AGMO: variants seen among roughly 807,000 people sequenced by gnomAD.
AGMO encodes alkylglycerol monooxygenase.
Under a neutral mutation model 60.2 loss-of-function variants are expected in AGMO, and 75 were observed. The ratio of observed to expected loss-of-function variants is 1.25; its 90% CI spans 1.03 to 1.51. AGMO has a LOEUF of 1.51. AGMO is among the 40% of genes most tolerant of loss of function. AGMO has a pLI of 0.00. For missense variants in AGMO, 763 were observed against 525.5 expected, an observed-to-expected ratio of 1.45 and a Z score of -4.42; for synonymous variants, 261 against 177.1, an observed-to-expected ratio of 1.47 and a Z score of -3.76.
At chr7:15,406,922 T>TACACACACACACAC (rs573526404) in intron 5 of AGMO, among the ~76,000 whole-genome samples, 10 of 109,946 alleles carry the variant, frequency 9.1e-5, no homozygotes, top group African/African-American at 3.2e-4. Context: ...TTGTTTGGAA[T>TACACACACACACAC]ACACACGCGC....
the AGMO span, among the ~76,000 whole-genome samples, chr7:15,176,710 A>G: frequency 6.6e-6 from 1 of 151,962 alleles, no homozygotes; most frequent in Admixed American, 6.6e-5. Flanking sequence ...TGTGTTAGCA[A>G]ATTTCAAGTA....
chr7:15,364,134 ATG>A, intron 12 of AGMO, among the ~76,000 whole-genome samples: 1 of 152,056 alleles, frequency 6.6e-6, no homozygotes, highest in Non-Finnish European at 1.5e-5. Context: ...TATATATATA[ATG>A]TGTATATATA....
intron 3 of AGMO, among the ~76,000 whole-genome samples, chr7:15,494,067 G>C (rs1237858189): frequency 6.6e-6 from 1 of 151,898 alleles, no homozygotes; most frequent in Admixed American, 6.6e-5. Flanking sequence ...CTTGACACTG[G>C]GTTAAGGAGT....
intron 12 of AGMO, among the ~76,000 whole-genome samples, chr7:15,333,040 G>A (rs1005463932): frequency 5.9e-5 from 9 of 152,114 alleles, no homozygotes; most frequent in African/African-American, 7.2e-5. Context: ...AAAGCATATA[G>A]TCCAAGCTTA....
chr7:15,191,971 TCTCACACA>T, the AGMO span, among the ~76,000 whole-genome samples: 61 of 77,142 alleles, frequency 7.9e-4, no homozygotes, highest in African/African-American at 2.8e-3. Flanking sequence ...TCTGTCTCTC[TCTCACACA>T]CACACACACA....
Position 15,253,886 on chromosome 7 carries a change from T to G in AGMO, c.1264-52527A>C, listed in dbSNP as rs112717024. On this transcript the variant is annotated intron_variant, in intron 12 of 12. Coordinates refer to ENST00000342526, the MANE Select transcript of AGMO (RefSeq NM_001004320.2). Reference sequence around the variant, plus strand: ...TCTCCCAATTCTCTGGTAACCATTATTCTGTTTTCAATTTTTATGAGATCA... The same window carrying G: ...TCTCCCAATTCTCTGGTAACCATTAGTCTGTTTTCAATTTTTATGAGATCA... 3.9e-3 allele frequency among the ~76,000 whole-genome samples: 595 copies of G among 152,248 alleles called. 2 individuals carry two copies. The highest frequency in any genetic ancestry group is 0.012 in the African/African-American group (499 of 41,548).
chr7:15,202,048 A>T (rs1306552893), intron 12 of AGMO, among the ~76,000 whole-genome samples: 1 of 152,072 alleles, frequency 6.6e-6, no homozygotes, highest in Non-Finnish European at 1.5e-5. Flanking sequence ...GACAATTAAA[A>T]CTATAGGATT....
rs374160601 is a variant in AGMO at position 15,390,759 on chromosome 7, T to C, written c.743-9A>G. ...TTCTGCTTCAAATGTCCCTGGAAGA[T>C]AAATATAAAGATATGAGATTTGGCT... On this transcript the variant is annotated splice_polypyrimidine_tract_variant and intron_variant, in intron 7 of 12. Transcript: ENST00000342526. The C allele has an allele frequency of 1.1e-5, 18 of 1,603,682 alleles. No individual in the cohort carries two copies. Among genetic ancestry groups the C allele is most frequent in the South Asian group, 4.4e-5 (4 of 90,200 alleles).
intron 5 of AGMO, among the ~76,000 whole-genome samples, chr7:15,395,819 T>G (rs1784352546): frequency 6.6e-6 from 1 of 152,154 alleles, no homozygotes; most frequent in Non-Finnish European, 1.5e-5. Flanking sequence ...TACAAAACTC[T>G]TTATCTAGGA....
chr7:15,475,061 T>G (rs1217495509), intron 3 of AGMO, among the ~76,000 whole-genome samples: 4 of 152,084 alleles, frequency 2.6e-5, no homozygotes, highest in Non-Finnish European at 5.9e-5. Context: ...GGAGAGGATG[T>G]AGAGAAATAG....
the AGMO span, among the ~76,000 whole-genome samples, chr7:15,168,535 C>A: frequency 6.6e-6 from 1 of 152,308 alleles, no homozygotes; most frequent in East Asian, 1.9e-4. Flanking sequence ...ACCTTGAATT[C>A]AAGAGCTTGT....
chr7:15,266,179 G>A (rs935744405), intron 12 of AGMO, among the ~76,000 whole-genome samples: 1 of 151,922 alleles, frequency 6.6e-6, no homozygotes, highest in African/African-American at 2.4e-5. Flanking sequence ...TGTTTAATAG[G>A]TATTGTTTAA....
chr7:15,409,368 A>C (rs1424365251), intron 5 of AGMO, among the ~76,000 whole-genome samples: 1 of 151,918 alleles, frequency 6.6e-6, no homozygotes, highest in Non-Finnish European at 1.5e-5. Flanking sequence ...AACCCAGATA[A>C]ATGTATTGTT....
At chr7:15,382,060 T>C (rs1461523916) in intron 10 of AGMO, among the ~76,000 whole-genome samples, 1 of 151,944 alleles carries the variant, frequency 6.6e-6, no homozygotes, top group East Asian at 1.9e-4. Flanking sequence ...ATTTTACTAT[T>C]GGGTACTAGG....
At chr7:15,276,153 T>G (rs979202115) in intron 12 of AGMO, among the ~76,000 whole-genome samples, 1 of 152,240 alleles carries the variant, frequency 6.6e-6, no homozygotes, top group Non-Finnish European at 1.5e-5. Context: ...AATGTCTTTT[T>G]TGTAATGGCA....
At chr7:15,392,810 AC>A (rs1244685247) in intron 6 of AGMO, among the ~76,000 whole-genome samples, 4 of 89,736 alleles carry the variant, frequency 4.5e-5, no homozygotes, top group African/African-American at 1.2e-4. Context: ...AAACAAACAA[AC>A]AAACAAACAA....
At chr7:15,192,811 C>A in the AGMO span, among the ~76,000 whole-genome samples, 2 of 152,242 alleles carry the variant, frequency 1.3e-5, no homozygotes, top group South Asian at 4.1e-4. Context: ...GCACCAGGAG[C>A]CAAGCAAACT....
At chr7:15,529,232 T>A (rs995338196) in intron 3 of AGMO, among the ~76,000 whole-genome samples, 5 of 151,840 alleles carry the variant, frequency 3.3e-5, no homozygotes, top group African/African-American at 1.2e-4. Context: ...GGATGCATCA[T>A]GTAGTACTGG....
intron 3 of AGMO, among the ~76,000 whole-genome samples, chr7:15,481,827 T>C (rs1487781509): frequency 1.4e-5 from 2 of 143,150 alleles, no homozygotes; most frequent in Non-Finnish European, 3.0e-5. Flanking sequence ...ATCAGGTTAA[T>C]GCATTTCAAA....
Sources: allele counts gnomAD v4.1 joint callset (sites outside exome capture counted in the v4.1 genomes callset), GRCh38; gene constraint gnomAD v4.1.1; transcripts MANE v1.5; gene names NCBI Gene and HGNC (gene_info 2026-07-23, HGNC 2026-07-21).